Variants in GLI2 observed in about 807,000 individuals in gnomAD.
The protein encoded by GLI2 is GLI family zinc finger 2, also known as transcription activator GLI2.
A neutral mutation model predicts 78.9 loss-of-function variants in GLI2; 22 were observed. The ratio of observed to expected loss-of-function variants is 0.28; its 90% CI spans 0.20 to 0.40. GLI2 has a LOEUF of 0.40. Ranked by LOEUF, GLI2 falls within the 10% of genes least tolerant of loss-of-function variation. The probability of loss-of-function intolerance (pLI) is 1.00; values close to 1 mark genes in which losing one functional copy is unlikely to be tolerated. For missense variants in GLI2, 2,097 were observed against 2,213.2 expected (o/e 0.95, Z 1.05); for synonymous variants, 974 against 963.7 (o/e 1.01, Z -0.20).
rs553346391 is a variant in GLI2 at position 120,744,319 on chromosome 2, C to T, written c.-31+8034C>T. Among the ~76,000 whole-genome samples the T allele has an allele frequency of 5.9e-5, 9 of 152,316 alleles. No individual in the cohort carries two copies. The East Asian group carries it at 9.7e-4, about 16-fold the overall frequency. On this transcript the variant is annotated intron_variant, in intron 1 of 13. Coordinates refer to ENST00000361492, the MANE Select transcript of GLI2 (RefSeq NM_001374353.1). ...TGACAGTATATTTAGGGCTGGCCCT[C>T]GCTGTCTGTGGAGATCAAGGTGAGG...
rs553788981 is a variant in GLI2 at position 120,737,439 on chromosome 2, C to T, written c.-31+1154C>T. Reference sequence around the variant, plus strand: ...CCCCCGAGGGTGCCTCTTTCCACTACCTTCTCTTTTGTGTAATTGTTCTGT... The same window carrying T: ...CCCCCGAGGGTGCCTCTTTCCACTATCTTCTCTTTTGTGTAATTGTTCTGT... On this transcript the variant is annotated intron_variant, in intron 1 of 13. Transcript: ENST00000361492. The surrounding 1 kb of genome is among the most constrained non-coding windows in gnomAD (Gnocchi z 4.3). 3.2e-3 allele frequency among the ~76,000 whole-genome samples: 484 copies of T among 152,308 alleles called. 1 individual carries two copies. The highest frequency in any genetic ancestry group is 5.7e-3 in the Non-Finnish European group (389 of 68,026).
At chr2:120,871,768 T>C (rs952251932) in intron 2 of GLI2, among the ~76,000 whole-genome samples, 3 of 152,250 alleles carry the variant, frequency 2.0e-5, no homozygotes, top group African/African-American at 7.2e-5. Context: ...AAATGCATGT[T>C]CAATGTAGCA....
chr2:120,823,687 C>T (rs917039070), intron 2 of GLI2, among the ~76,000 whole-genome samples: 4 of 152,104 alleles, frequency 2.6e-5, no homozygotes, highest in African/African-American at 9.7e-5. Context: ...GAAGATCTCC[C>T]GGCTGTGGGC....
At position 120,990,475 on chromosome 2, in the gene GLI2, C is replaced by G. The variant is rs199843410; in HGVS notation, c.4510C>G (p.His1504Asp). The stretch of plus-strand genomic sequence containing the variant: ...CGATGCCATCATGGATGATGGCGAT[C>G]ACTCGAGTTTGTTCTCGGGTGCTCT... ...DFDAIMDDGD[H>D]SSLFSGALSP... is the part of the protein sequence containing the mutation. Residue 1504 changes from histidine (H) to aspartate (D), a missense_variant, in exon 14 of 14, where the codon CAC becomes GAC. Coordinates refer to ENST00000361492, the MANE Select transcript of GLI2 (RefSeq NM_001374353.1). The G allele has an allele frequency of 8.7e-6, 14 of 1,613,898 alleles. No individual in the cohort carries two copies. The Admixed American group carries it at 1.3e-4, about 15-fold the overall frequency.
At chr2:120,917,853 C>T (rs1168163970) in intron 2 of GLI2, among the ~76,000 whole-genome samples, 1 of 152,228 alleles carries the variant, frequency 6.6e-6, no homozygotes, top group Non-Finnish European at 1.5e-5. Context: ...GTTCCCTCCC[C>T]TGCTTATTTT....
intron 2 of GLI2, among the ~76,000 whole-genome samples, chr2:120,906,431 C>A (rs1419194752): frequency 6.6e-6 from 1 of 152,174 alleles, no homozygotes; most frequent in African/African-American, 2.4e-5. Context: ...GCAAGGCTGG[C>A]AGCTCAGGAA....
intron 2 of GLI2, among the ~76,000 whole-genome samples, chr2:120,871,899 C>CA (rs1217233290): frequency 1.3e-5 from 2 of 152,180 alleles, no homozygotes; most frequent in East Asian, 3.9e-4. Context: ...TCTCAACTCC[C>CA]ACAGCAAGCC....
Position 120,974,004 on chromosome 2 carries a change from C to T in GLI2, c.1183-971C>T, listed in dbSNP as rs531792403. Reference sequence around the variant, plus strand: ...GGGGTTAGGCCTTTTGAGTATGGGGCGAGGTCCTTCATCCCCCTGAGCCTG... The same window carrying T: ...GGGGTTAGGCCTTTTGAGTATGGGGTGAGGTCCTTCATCCCCCTGAGCCTG... On this transcript the variant is annotated intron_variant, in intron 8 of 13. Transcript: ENST00000361492. 5.3e-5 allele frequency among the ~76,000 whole-genome samples: 8 copies of T among 152,250 alleles called. No individual in the cohort carries two copies. The South Asian group carries it at 6.2e-4, about 12-fold the overall frequency.
intron 2 of GLI2, among the ~76,000 whole-genome samples, chr2:120,845,582 G>T (rs1558830086): frequency 6.6e-6 from 1 of 152,168 alleles, no homozygotes; most frequent in Non-Finnish European, 1.5e-5. Flanking sequence ...GACTGGAGAG[G>T]TGCTCCCTGG....
intron 2 of GLI2, among the ~76,000 whole-genome samples, chr2:120,899,391 G>T (rs1005153572): frequency 1.4e-5 from 2 of 142,060 alleles, no homozygotes; most frequent in African/African-American, 5.8e-5. Context: ...ATACACACTT[G>T]TGTGTACACA....
At chr2:120,899,275 G>A (rs2104775750) in intron 2 of GLI2, among the ~76,000 whole-genome samples, 1 of 152,294 alleles carries the variant, frequency 6.6e-6, no homozygotes, top group African/African-American at 2.4e-5. Context: ...GCAGATCAGT[G>A]TAATATAGAA....
At chr2:120,774,897 A>C (rs946180374) in intron 1 of GLI2, among the ~76,000 whole-genome samples, 29 of 152,300 alleles carry the variant, frequency 1.9e-4, no homozygotes, top group African/African-American at 6.7e-4. Flanking sequence ...TTTGCACCCC[A>C]GATCCTTTTC....
At chr2:120,935,575 C>T (rs1680160569) in intron 3 of GLI2, among the ~76,000 whole-genome samples, 1 of 152,208 alleles carries the variant, frequency 6.6e-6, no homozygotes, top group Non-Finnish European at 1.5e-5. Context: ...GTCACCCTCC[C>T]TGCAAGGTGG....
intron 2 of GLI2, among the ~76,000 whole-genome samples, chr2:120,853,278 G>T (rs1687496294): frequency 6.6e-6 from 1 of 152,202 alleles, no homozygotes; most frequent in East Asian, 1.9e-4. Flanking sequence ...GAGGCATGGG[G>T]CTGCCAAGAG....
Position 120,991,678 on chromosome 2 carries a change from A to C in GLI2, c.*1003A>C, listed in dbSNP as rs1683299901. On this transcript the variant is annotated 3_prime_UTR_variant, in exon 14 of 14. Coordinates refer to ENST00000361492, the MANE Select transcript of GLI2 (RefSeq NM_001374353.1). ...TGCAACGTCCACCCACTTTACCACCAAAAACTCCAGGGCCTGACGGCAGCC... is the reference window on the plus strand; with the variant it reads ...TGCAACGTCCACCCACTTTACCACCCAAAACTCCAGGGCCTGACGGCAGCC... 6.5e-6 allele frequency: 1 copy of C among 152,854 alleles called. No individual in the cohort carries two copies. The highest frequency in any genetic ancestry group is 1.5e-5 in the Non-Finnish European group (1 of 68,258). 9.5% of individuals were successfully genotyped at this position (152,854 alleles called of 1,614,324 possible). A position where few individuals can be genotyped will look rare whatever the true frequency, so the allele number is the denominator to read the frequency against.
In GLI2 at chr2:120,978,460, G is replaced by A. The variant is rs752281238; in HGVS notation, c.1344G>A (p.Gly448=). The A allele has an allele frequency of 1.2e-6, 2 of 1,614,220 alleles. No homozygotes were observed. Among genetic ancestry groups the A allele is most frequent in the South Asian group, 1.1e-5 (1 of 91,088 alleles). The stretch of plus-strand genomic sequence containing the variant: ...ACATCAACAACGAGCACATCCACGG[G>A]GAGAAGAAGGAGTTTGTGTGCCGCT... The part of the protein sequence containing the change: ...VHHINNEHIH[G]EKKEFVCRWQ... The change falls in exon 10 of 14, where the codon GGG becomes GGA. Residue 448 remains glycine, a synonymous_variant. Coordinates refer to ENST00000361492, the MANE Select transcript of GLI2 (RefSeq NM_001374353.1).
rs1410625930 is a variant in GLI2, at chr2:120,969,724, G to A, written c.846-669G>A. Among the ~76,000 whole-genome samples the A allele has an allele frequency of 5.3e-5, 8 of 152,330 alleles. No individual in the cohort carries two copies. The South Asian group carries it at 1.2e-3, about 24-fold the overall frequency. ...CTGGGCCAGAATGCCCCCTCACAGC[G>A]CTCTCAGCAGTGTCCTTTGTTCCTC... On this transcript the variant is annotated intron_variant, in intron 6 of 13. Transcript: ENST00000361492.
chr2:120,822,460 A>G (rs1365680262), intron 2 of GLI2, among the ~76,000 whole-genome samples: 1 of 152,208 alleles, frequency 6.6e-6, no homozygotes, highest in Non-Finnish European at 1.5e-5. Context: ...TGAACTTGAC[A>G]CAATTAATAC....
intron 1 of GLI2, among the ~76,000 whole-genome samples, chr2:120,739,896 G>A (rs980409173): frequency 2.6e-5 from 4 of 152,096 alleles, no homozygotes; most frequent in Non-Finnish European, 5.9e-5. Flanking sequence ...TAAAGAAATC[G>A]GGGAGGAAAA....
Sources: gnomAD v4.1 joint callset for allele counts (sites outside exome capture counted in the v4.1 genomes callset) on GRCh38, gnomAD v4.1.1 for gene constraint, Gnocchi (gnomAD v3.1) non-coding constraint, MANE v1.5 for transcripts, NCBI Gene and HGNC (gene_info 2026-07-23, HGNC 2026-07-21) for gene names.